HMCN2: variants seen among roughly 807,000 people sequenced by gnomAD.
The protein encoded by HMCN2 is hemicentin-2.
HMCN2 carries 325 observed loss-of-function variants against 377.5 expected under a neutral mutation model. That is an observed-to-expected ratio of 0.86 (90% CI 0.79 to 0.94). The LOEUF is 0.94. Ranked by LOEUF, HMCN2 falls within the 40% of genes least tolerant of loss-of-function variation. HMCN2 has a pLI of 0.00. For synonymous variants in HMCN2, 2,007 were observed against 2,046.8 expected (o/e 0.98, Z 0.53); for missense variants, 4,543 against 4,725.3 (o/e 0.96, Z 1.13).
chr9:130,384,881 C>G, intron 59 of HMCN2, 83 bp downstream of exon 59: 1 of 930,964 alleles, frequency 1.1e-6, no homozygotes, highest in Non-Finnish European at 1.5e-6. Context: ...AGAACATAGA[C>G]AGGAGAGGGC....
At chr9:130,276,165 C>A (rs2131235882) in intron 1 of HMCN2, among the ~76,000 whole-genome samples, 1 of 152,092 alleles carries the variant, frequency 6.6e-6, no homozygotes, top group South Asian at 2.1e-4. Flanking sequence ...CTGACCTGGT[C>A]TGGTTCCTGG....
Position 130,289,064 on chromosome 9 carries a change from G to C in HMCN2, c.612+2754G>C, listed in dbSNP as rs1028990823. ...CACTGTCACTAGCCCCGACAGTGGT[G>C]GGGGTGGGGCCAGCAGAGCTGGGCA... On this transcript the variant is annotated intron_variant, in intron 4 of 97. Coordinates refer to ENST00000683500, the MANE Select transcript of HMCN2 (RefSeq NM_001291815.2). Among the ~76,000 whole-genome samples, 18 of 152,336 alleles carry C rather than the reference G, an allele frequency of 1.2e-4. 1 individual carries two copies. The highest frequency in any genetic ancestry group is 4.3e-4 in the African/African-American group (18 of 41,580).
chr9:130,389,127 C>T (rs1309446813), intron 62 of HMCN2, among the ~76,000 whole-genome samples: 1 of 152,218 alleles, frequency 6.6e-6, no homozygotes, highest in Non-Finnish European at 1.5e-5. Context: ...AATCCGTCCA[C>T]AGCAGGGGCC....
At chr9:130,270,299 T>TTTG (rs1564733400) in intron 1 of HMCN2, among the ~76,000 whole-genome samples, 6 of 114,506 alleles carry the variant, frequency 5.2e-5, no homozygotes, top group African/African-American at 1.6e-4. Context: ...TTGTTTGTTT[T>TTTG]TTTTTTTCCC....
In HMCN2 at chr9:130,375,634, A is replaced by C. The variant is rs1283312775; in HGVS notation, c.7702A>C (p.Ile2568Leu). The part of the protein sequence containing the change: ...EEVTVTVNNP[I>L]SLICEALAFP... ...GGTGACCGTGACTGTCAACAACCCC[A>C]TCTCTCTGATCTGCGAGGCCCTGGC... Residue 2568 changes from isoleucine to leucine, a missense_variant, in exon 50 of 98, where the codon ATC becomes CTC. Ile to Leu is a conservative substitution (Grantham distance 5). Coordinates refer to ENST00000683500, the MANE Select transcript of HMCN2 (RefSeq NM_001291815.2). 6.1e-6 allele frequency: 6 copies of C among 985,610 alleles called. No individual in the cohort carries two copies. Among genetic ancestry groups the C allele is most frequent in the African/African-American group, 1.7e-5 (1 of 57,156 alleles). The allele number at this position is 985,610 out of a possible 1,614,324, so 61.1% of individuals were successfully genotyped here.
At chr9:130,314,222 T>C (rs998529032) in intron 15 of HMCN2, among the ~76,000 whole-genome samples, 1,697 of 152,182 alleles carry the variant, frequency 0.011, 31 homozygotes, top group African/African-American at 0.039. Flanking sequence ...CGGCCATCCT[T>C]TGGGGAGGGG....
intron 85 of HMCN2, among the ~76,000 whole-genome samples, chr9:130,415,056 C>T (rs1483513632): frequency 2.6e-5 from 4 of 152,184 alleles, no homozygotes; most frequent in East Asian, 1.9e-4. Flanking sequence ...CAACTCCCAC[C>T]GATCCCCAGC....
intron 6 of HMCN2, among the ~76,000 whole-genome samples, chr9:130,296,253 A>G (rs568562842): frequency 3.3e-5 from 5 of 152,156 alleles, no homozygotes; most frequent in Admixed American, 6.5e-5. Flanking sequence ...CCAGGCAAAC[A>G]TTTATTGAGC....
In HMCN2 at chr9:130,382,255, G is replaced by A. The variant is rs1292383371; in HGVS notation, c.8503G>A (p.Glu2835Lys). 6 of 985,866 alleles carry A rather than the reference G, an allele frequency of 6.1e-6. No homozygotes were observed. The African/African-American group carries it at 8.7e-5, about 14-fold the overall frequency. 61.1% of individuals were successfully genotyped at this position (985,866 alleles called of 1,614,324 possible). Residue 2835 changes from glutamate (E) to lysine (K), a missense_variant, in exon 55 of 98, where the codon GAG becomes AAG. Transcript: ENST00000683500. ...GAGGTACTCGTGCAAGGCCTCCAACGAGGTGGGCGAGGACTGGCTGCACTA... is the reference window on the plus strand; with the variant it reads ...GAGGTACTCGTGCAAGGCCTCCAACAAGGTGGGCGAGGACTGGCTGCACTA... ...AGRYSCKASN[E>K]VGEDWLHYEL...
In HMCN2 at chr9:130,432,472, C is replaced by T. The variant is rs1430875257; in HGVS notation, c.14811C>T (p.Gly4937=). The change falls in exon 97 of 98, where the codon GGC becomes GGT. Residue 4937 remains glycine (G), a synonymous_variant. Coordinates refer to ENST00000683500, the MANE Select transcript of HMCN2 (RefSeq NM_001291815.2). The part of the protein sequence containing the change: ...CEEESIECGP[G]QMCFNTRGSY... ...AGGAGAGCATCGAGTGTGGACCCGGCCAGATGTGCTTCAACACCCGTGGCA... is the reference window on the plus strand; with the variant it reads ...AGGAGAGCATCGAGTGTGGACCCGGTCAGATGTGCTTCAACACCCGTGGCA... The T allele has an allele frequency of 4.5e-6, 7 of 1,550,862 alleles. No individual in the cohort carries two copies. In the African/African-American group the frequency reaches 6.8e-5, roughly 15 times the overall value.
intron 4 of HMCN2, among the ~76,000 whole-genome samples, chr9:130,287,311 T>C (rs894496318): frequency 1.6e-4 from 24 of 152,182 alleles, no homozygotes; most frequent in East Asian, 1.9e-4. Flanking sequence ...ATCTCTCCAA[T>C]GTCCTACGCT....
At chr9:130,310,438 A>G (rs1002523464) in intron 15 of HMCN2, among the ~76,000 whole-genome samples, 11 of 152,028 alleles carry the variant, frequency 7.2e-5, no homozygotes, top group Non-Finnish European at 1.2e-4. Context: ...CTCTAGGCTC[A>G]CTCGTGGGGC....
intron 22 of HMCN2, among the ~76,000 whole-genome samples, chr9:130,335,775 G>A (rs1302740128): frequency 1.3e-5 from 2 of 152,094 alleles, no homozygotes; most frequent in Non-Finnish European, 2.9e-5. Flanking sequence ...GACACCTGCC[G>A]TCAAAGACCC....
At chr9:130,371,721 A>G (rs1841030792) in intron 46 of HMCN2, among the ~76,000 whole-genome samples, 1 of 152,246 alleles carries the variant, frequency 6.6e-6, no homozygotes, top group Non-Finnish European at 1.5e-5. Context: ...CTTGGTAAGA[A>G]TTGCCGGGTG....
intron 95 of HMCN2, 65 bp from the exon 96 acceptor site, chr9:130,431,302 G>A (rs1844737379): frequency 2.7e-6 from 4 of 1,480,788 alleles, no homozygotes; most frequent in Admixed American, 2.0e-5. Flanking sequence ...CCACGTTGGT[G>A]TCTGTGGCTC....
intron 54 of HMCN2, among the ~76,000 whole-genome samples, chr9:130,381,067 C>T (rs1421991346): frequency 1.3e-5 from 2 of 152,220 alleles, no homozygotes; most frequent in East Asian, 3.8e-4. Context: ...TACCACTCAC[C>T]TCTCACCCTG....
chr9:130,356,070 C>G lies in HMCN2; in HGVS notation c.5256-18C>G, dbSNP rs1197937317. 4.0e-6 allele frequency: 5 copies of G among 1,253,600 alleles called. No individual in the cohort carries two copies. The Admixed American group carries it at 1.3e-4, about 33-fold the overall frequency. 77.7% of individuals were successfully genotyped at this position (1,253,600 alleles called of 1,614,324 possible). The stretch of plus-strand genomic sequence containing the variant: ...CCCTGGTCTCAGGTTGACACGCCCC[C>G]CTCCCTACTCACCTTAGGTGGCTGC... On this transcript the variant is annotated intron_variant, in intron 33 of 97. Coordinates refer to ENST00000683500, the MANE Select transcript of HMCN2 (RefSeq NM_001291815.2).
chr9:130,403,159 A>T, intron 78 of HMCN2, 35 bp from the exon 79 acceptor site: 1 of 1,277,796 alleles, frequency 7.8e-7, no homozygotes, highest in Non-Finnish European at 1.0e-6. Context: ...TGTTAAGGAC[A>T]TTCTCAGGGC....
At position 130,391,067 on chromosome 9, in the gene HMCN2, T is replaced by A. The variant is rs1383652436; in HGVS notation, c.9614T>A (p.Val3205Glu). 1 of 987,850 alleles carries A rather than the reference T, an allele frequency of 1.0e-6. No individual in the cohort carries two copies. The highest frequency in any genetic ancestry group is 1.2e-6 in the Non-Finnish European group (1 of 830,384). 61.2% of individuals were successfully genotyped at this position (987,850 alleles called of 1,614,324 possible). A position where few individuals can be genotyped will look rare whatever the true frequency, so the allele number is the denominator to read the frequency against. The change falls in exon 63 of 98, where the codon GTG (valine) becomes GAG (glutamate). Residue 3205 changes from valine (V) to glutamate (E), a missense_variant. This residue lies in a region of HMCN2 where 736 missense variants were observed against 773.2 expected (regional missense o/e 0.95). Coordinates refer to ENST00000683500, the MANE Select transcript of HMCN2 (RefSeq NM_001291815.2). ...QPAQAGTYTC[V>E]AENTQAEARK... ...GCCCAGGCGGGCACCTACACGTGCG[T>A]GGCTGAGAACACCCAGGCTGAGGCC...
Sources: gnomAD v4.1 joint callset for allele counts (sites outside exome capture counted in the v4.1 genomes callset) on GRCh38, gnomAD v4.1.1 for gene constraint, gnomAD v4.1.1 regional missense constraint, MANE v1.5 for transcripts, NCBI Gene and HGNC (gene_info 2026-07-23, HGNC 2026-07-21) for gene names.